Variants in STARD13 observed in about 807,000 individuals in gnomAD.
STARD13 encodes stAR-related lipid transfer protein 13.
A neutral mutation model predicts 106.4 loss-of-function variants in STARD13; 62 were observed. The ratio of observed to expected loss-of-function variants is 0.58; its 90% CI spans 0.48 to 0.72. The LOEUF is 0.72. Among genes scored for constraint, STARD13 ranks in the 30% least tolerant of loss-of-function variants. The pLI is 0.00. For missense variants in STARD13, 1,387 were observed against 1,424.0 expected (o/e 0.97, Z 0.42); for synonymous variants, 565 against 553.0 (o/e 1.02, Z -0.31).
chr13:33,617,843 A>G, the STARD13 span, among the ~76,000 whole-genome samples: 1 of 152,216 alleles, frequency 6.6e-6, no homozygotes, highest in East Asian at 1.9e-4. Context: ...AGATAAGACG[A>G]TGCATATGTA....
At chr13:33,278,715 T>C (rs2138388626) in intron 1 of STARD13, 1 of 152,278 alleles carries the variant, frequency 6.6e-6, no homozygotes, top group Admixed American at 6.5e-5. Context: ...CTTGGTTGTG[T>C]TTTCCTCTTT....
chr13:33,274,891 C>G (rs1037225916), intron 1 of STARD13, among the ~76,000 whole-genome samples: 21 of 152,182 alleles, frequency 1.4e-4, no homozygotes, highest in African/African-American at 4.8e-4. Context: ...CGCTTACCCC[C>G]ACCAAGAACC....
the STARD13 span, among the ~76,000 whole-genome samples, chr13:33,357,534 A>C: frequency 6.6e-6 from 1 of 152,204 alleles, no homozygotes; most frequent in Non-Finnish European, 1.5e-5. Context: ...TAACATAACA[A>C]GCACATGAGG....
chr13:33,257,774 G>T (rs577877514), intron 1 of STARD13, among the ~76,000 whole-genome samples: 1 of 152,302 alleles, frequency 6.6e-6, no homozygotes, highest in South Asian at 2.1e-4. Context: ...AGTATTACCA[G>T]CCTTTTCAAT....
chr13:33,385,191 G>T, the STARD13 span, among the ~76,000 whole-genome samples: 948 of 111,086 alleles, frequency 8.5e-3, 20 homozygotes, highest in African/African-American at 0.03. Flanking sequence ...TGGAAATCCA[G>T]ATTTTTGGTT....
the STARD13 span, among the ~76,000 whole-genome samples, chr13:33,640,497 T>C: frequency 6.6e-6 from 1 of 152,198 alleles, no homozygotes; most frequent in Non-Finnish European, 1.5e-5. Flanking sequence ...AGTGTTTCAC[T>C]GAAAACATAC....
chr13:33,369,716 T>C, the STARD13 span, among the ~76,000 whole-genome samples: 4 of 152,210 alleles, frequency 2.6e-5, no homozygotes, highest in Non-Finnish European at 4.4e-5. Context: ...TACATATATT[T>C]TTTACATACA....
chr13:33,364,273 C>T, the STARD13 span, among the ~76,000 whole-genome samples: 2 of 152,094 alleles, frequency 1.3e-5, no homozygotes, highest in African/African-American at 4.8e-5. Context: ...CGAGACCAAC[C>T]TAAGCAACAT....
At chr13:33,587,495 C>G in the STARD13 span, among the ~76,000 whole-genome samples, 1 of 152,264 alleles carries the variant, frequency 6.6e-6, no homozygotes, top group South Asian at 2.1e-4. Flanking sequence ...TGAGTTCTAG[C>G]CTCTCACACA....
At chr13:33,301,568 C>CTTTTTTTTTTTTTTT (rs11393186) in intron 1 of STARD13, among the ~76,000 whole-genome samples, 1 of 72,068 alleles carries the variant, frequency 1.4e-5, no homozygotes, top group African/African-American at 4.8e-5. Context: ...CTTTTTTTTT[C>CTTTTTTTTTTTTTTT]TTTTTTTTTT....
chr13:33,235,562 G>A (rs1280533548), intron 1 of STARD13, among the ~76,000 whole-genome samples: 2 of 152,154 alleles, frequency 1.3e-5, no homozygotes, highest in African/African-American at 4.8e-5. Flanking sequence ...AGGTGTTTCG[G>A]TCTATGTACT....
At chr13:33,505,089 G>T in the STARD13 span, among the ~76,000 whole-genome samples, 7 of 152,288 alleles carry the variant, frequency 4.6e-5, no homozygotes, top group South Asian at 4.1e-4. Flanking sequence ...CCCCGTGCTT[G>T]TTGCTCTTGT....
chr13:33,517,127 T>C, the STARD13 span, among the ~76,000 whole-genome samples: 5 of 152,142 alleles, frequency 3.3e-5, no homozygotes, highest in African/African-American at 9.7e-5. Flanking sequence ...TTAAATTACC[T>C]ATGGGGCTCA....
chr13:33,276,336 T>C (rs916013357), intron 1 of STARD13: 4 of 152,186 alleles, frequency 2.6e-5, no homozygotes, highest in African/African-American at 9.7e-5. Context: ...TTTTGAGAAA[T>C]GCATGTAGTG....
the STARD13 span, among the ~76,000 whole-genome samples, chr13:33,544,019 A>G: frequency 2.0e-5 from 3 of 152,254 alleles, no homozygotes; most frequent in African/African-American, 7.2e-5. Flanking sequence ...ACCAGTTCAT[A>G]GAAATGTATT....
chr13:33,450,454 C>T, the STARD13 span, among the ~76,000 whole-genome samples: 1 of 152,068 alleles, frequency 6.6e-6, no homozygotes, highest in African/African-American at 2.4e-5. Context: ...TAATGTGCTG[C>T]TGAATTTGGC....
chr13:33,350,128 C>T (rs905357779), intron 1 of STARD13, among the ~76,000 whole-genome samples: 16 of 152,194 alleles, frequency 1.1e-4, no homozygotes, highest in Admixed American at 9.1e-4. Flanking sequence ...GCGCTCGGGG[C>T]CCGGCCCAGG....
the STARD13 span, among the ~76,000 whole-genome samples, chr13:33,506,128 C>A: frequency 6.6e-6 from 1 of 152,060 alleles, no homozygotes; most frequent in Non-Finnish European, 1.5e-5. Flanking sequence ...ATTGATGAAG[C>A]AGTAAAAATT....
chr13:33,601,695 T>C, the STARD13 span, among the ~76,000 whole-genome samples: 19 of 152,144 alleles, frequency 1.2e-4, no homozygotes, highest in Admixed American at 1.2e-3. Context: ...GTGTTCTGAT[T>C]CCAGATCTCT....
Sources: gnomAD v4.1 joint callset for allele counts (sites outside exome capture counted in the v4.1 genomes callset) on GRCh38, gnomAD v4.1.1 for gene constraint, MANE v1.5 for transcripts, NCBI Gene and HGNC (gene_info 2026-07-23, HGNC 2026-07-21) for gene names.